Variants in FGF7 observed in about 807,000 individuals in gnomAD.
FGF7 encodes the protein fibroblast growth factor 7.
Under a neutral mutation model 20.5 loss-of-function variants are expected in FGF7, and 6 were observed. The ratio of observed to expected loss-of-function variants is 0.29; its 90% CI spans 0.16 to 0.58. The LOEUF (loss-of-function observed/expected upper bound fraction) is 0.58, where lower values mean the gene tolerates loss of function less well. Among genes scored for constraint, FGF7 ranks in the 20% least tolerant of loss-of-function variants. The pLI, the probability that FGF7 is intolerant of heterozygous loss-of-function variation, is 0.90. For synonymous variants in FGF7, 64 were observed against 74.7 expected (o/e 0.86, Z 0.74); for missense variants, 144 against 228.8 (o/e 0.63, Z 2.39).
chr15:49,430,945 A>C (rs2050559581), intron 2 of FGF7, among the ~76,000 whole-genome samples: 1 of 148,344 alleles, frequency 6.7e-6, no homozygotes, highest in African/African-American at 2.5e-5. Flanking sequence ...TTCTCTTTTT[A>C]AGACTGGAAT....
intron 2 of FGF7, among the ~76,000 whole-genome samples, chr15:49,476,164 G>C (rs4321137): frequency 0.34 from 50,404 of 147,700 alleles, 9,408 homozygotes; most frequent in African/African-American, 0.49. Context: ...CAAATCCTCC[G>C]TTGACCACTT....
intron 2 of FGF7, among the ~76,000 whole-genome samples, chr15:49,481,838 A>C (rs2055976573): frequency 6.6e-6 from 1 of 152,160 alleles, no homozygotes; most frequent in Non-Finnish European, 1.5e-5. Flanking sequence ...ACGAGCTCTG[A>C]CTAGTGTTAA....
chr15:49,462,414 C>T (rs962878839), intron 2 of FGF7, among the ~76,000 whole-genome samples: 1 of 152,186 alleles, frequency 6.6e-6, no homozygotes, highest in Non-Finnish European at 1.5e-5. Context: ...CTTGTACTCA[C>T]TAGAGAGCTG....
At chr15:49,451,952 C>G (rs2052789054) in intron 2 of FGF7, among the ~76,000 whole-genome samples, 1 of 151,966 alleles carries the variant, frequency 6.6e-6, no homozygotes, top group African/African-American at 2.4e-5. Context: ...TGTTTAATAA[C>G]TAGTGAAAAA....
At chr15:49,438,721 T>C (rs1347352203) in intron 2 of FGF7, among the ~76,000 whole-genome samples, 1 of 151,694 alleles carries the variant, frequency 6.6e-6, no homozygotes, top group Non-Finnish European at 1.5e-5. Context: ...TTGACTCTCC[T>C]AGGCCTCAGT....
chr15:49,454,932 C>T (rs531252747), intron 2 of FGF7, among the ~76,000 whole-genome samples: 31 of 152,240 alleles, frequency 2.0e-4, no homozygotes, highest in African/African-American at 6.0e-4. Context: ...AAAGCACTCT[C>T]TGCAGGCCTT....
At chr15:49,468,079 T>C (rs1329119162) in intron 2 of FGF7, among the ~76,000 whole-genome samples, 1 of 152,216 alleles carries the variant, frequency 6.6e-6, no homozygotes, top group Non-Finnish European at 1.5e-5. Context: ...TTGTACCACA[T>C]GCTGATGTAC....
chr15:49,476,648 T>G (rs2055347738), intron 2 of FGF7, among the ~76,000 whole-genome samples: 1 of 152,192 alleles, frequency 6.6e-6, no homozygotes, highest in African/African-American at 2.4e-5. Context: ...AAATAAATAA[T>G]GTAAAATGTC....
chr15:49,441,579 G>C (rs2051648488), intron 2 of FGF7, among the ~76,000 whole-genome samples: 1 of 151,530 alleles, frequency 6.6e-6, no homozygotes, highest in Non-Finnish European at 1.5e-5. Context: ...CATATATAGA[G>C]AGAAAAGGAG....
chr15:49,430,368 T>C (rs1170889269), intron 2 of FGF7, among the ~76,000 whole-genome samples: 1 of 151,780 alleles, frequency 6.6e-6, no homozygotes, highest in Non-Finnish European at 1.5e-5. Flanking sequence ...CTTATGACTA[T>C]GAACTCAGAT....
intron 2 of FGF7, among the ~76,000 whole-genome samples, chr15:49,474,707 AGCTGCGGGTGAGCAAGCATTC>A (rs1349595696): frequency 1.3e-5 from 2 of 152,118 alleles, no homozygotes; most frequent in African/African-American, 4.8e-5. Flanking sequence ...GCAGGAGATG[AGCTGCGGGTGAGCAAGCATTC>A]CACCTCCTGT....
intron 2 of FGF7, among the ~76,000 whole-genome samples, chr15:49,454,088 T>A (rs1196024371): frequency 6.6e-6 from 1 of 152,154 alleles, no homozygotes; most frequent in Non-Finnish European, 1.5e-5. Context: ...AGGCGTAGGT[T>A]TGAAACTCTG....
intron 2 of FGF7, among the ~76,000 whole-genome samples, chr15:49,438,883 G>A (rs774743508): frequency 3.3e-5 from 5 of 149,640 alleles, no homozygotes; most frequent in Non-Finnish European, 7.4e-5. Flanking sequence ...TAAGAGAGAG[G>A]GAGAAAAAAG....
In FGF7 at chr15:49,481,602, T is replaced by C. The variant is rs1185056958; in HGVS notation, c.287-1549T>C. ...CTCTAGCCTATTCAGGCCTGTGTTC[T>C]TCAAAATTCTGCAAAATATATGGAC... On this transcript the variant is annotated intron_variant, in intron 2 of 3. Transcript: ENST00000267843. Among the ~76,000 whole-genome samples, 9 of 152,294 alleles carry C rather than the reference T, an allele frequency of 5.9e-5. No individual in the cohort carries two copies. The South Asian group carries it at 1.5e-3, about 25-fold the overall frequency.
intron 2 of FGF7, among the ~76,000 whole-genome samples, chr15:49,460,276 T>C (rs2053675121): frequency 6.6e-6 from 1 of 152,196 alleles, no homozygotes; most frequent in Admixed American, 6.6e-5. Flanking sequence ...ATTACTTACA[T>C]AGTACATAAG....
intron 2 of FGF7, among the ~76,000 whole-genome samples, chr15:49,454,398 TGGTAATAATAAG>T (rs925519853): frequency 6.6e-6 from 1 of 152,144 alleles, no homozygotes; most frequent in African/African-American, 2.4e-5. Context: ...GTAAAAATCC[TGGTAATAATAAG>T]AGCCAATATT....
chr15:49,443,504 T>C (rs928207210), intron 2 of FGF7, among the ~76,000 whole-genome samples: 1 of 151,578 alleles, frequency 6.6e-6, no homozygotes, highest in East Asian at 1.9e-4. Flanking sequence ...AAGCGAATGA[T>C]ACAAAAATGT....
intron 2 of FGF7, among the ~76,000 whole-genome samples, chr15:49,465,304 CTTTTTT>C (rs67362920): frequency 1.4e-5 from 2 of 140,604 alleles, no homozygotes; most frequent in Non-Finnish European, 3.1e-5. Context: ...TTTTCTTTTT[CTTTTTT>C]TTTTTTTTGG....
intron 2 of FGF7, among the ~76,000 whole-genome samples, chr15:49,450,875 T>C (rs2052656129): frequency 6.6e-6 from 1 of 152,162 alleles, no homozygotes; most frequent in South Asian, 2.1e-4. Flanking sequence ...CTTTTCCACA[T>C]GTGGGCTGAA....
Sources: gnomAD v4.1 joint callset for allele counts (sites outside exome capture counted in the v4.1 genomes callset) on GRCh38, gnomAD v4.1.1 for gene constraint, MANE v1.5 for transcripts, NCBI Gene and HGNC (gene_info 2026-07-23, HGNC 2026-07-21) for gene names.